NYAP2: variants seen among roughly 807,000 people sequenced by gnomAD.
NYAP2 encodes neuronal tyrosine-phosphorylated phosphoinositide-3-kinase adaptor 2.
Under a neutral mutation model 50.4 loss-of-function variants are expected in NYAP2, and 23 were observed. That is an observed-to-expected ratio of 0.46 (90% confidence interval 0.33 to 0.65). NYAP2 has a LOEUF of 0.65. Ranked by LOEUF, NYAP2 falls within the 30% of genes least tolerant of loss-of-function variation. The pLI is 0.02. For missense variants in NYAP2, 885 were observed against 861.0 expected, an observed-to-expected ratio of 1.03 and a Z score of -0.35; for synonymous variants, 394 against 365.2, an observed-to-expected ratio of 1.08 and a Z score of -0.90.
At chr2:225,535,385 T>C (rs761351055) in intron 4 of NYAP2, among the ~76,000 whole-genome samples, 2 of 152,188 alleles carry the variant, frequency 1.3e-5, no homozygotes, top group Non-Finnish European at 2.9e-5. Flanking sequence ...AGTTAGGAGA[T>C]GTGGGATGAC....
chr2:225,417,975 AG>A (rs769411811), intron 3 of NYAP2, among the ~76,000 whole-genome samples: 6 of 151,952 alleles, frequency 3.9e-5, no homozygotes, highest in Non-Finnish European at 8.8e-5. Context: ...AAGTAAATAT[AG>A]AGTAAGTGCA....
At chr2:225,673,411 G>A in the NYAP2 span, among the ~76,000 whole-genome samples, 3 of 151,992 alleles carry the variant, frequency 2.0e-5, no homozygotes, top group Non-Finnish European at 4.4e-5. Flanking sequence ...TTGGAAAAAC[G>A]GTGACAACAG....
the NYAP2 span, among the ~76,000 whole-genome samples, chr2:225,695,024 A>T: frequency 6.6e-6 from 1 of 151,762 alleles, no homozygotes; most frequent in Admixed American, 6.6e-5. Flanking sequence ...TTAATGCAAA[A>T]TAAAAATCTA....
intron 3 of NYAP2, among the ~76,000 whole-genome samples, chr2:225,413,954 G>A (rs1410726125): frequency 6.6e-6 from 1 of 152,140 alleles, no homozygotes; most frequent in Non-Finnish European, 1.5e-5. Flanking sequence ...GACTGCCAAG[G>A]ATTGCTTAAA....
intron 4 of NYAP2, among the ~76,000 whole-genome samples, chr2:225,574,856 G>T (rs2106224324): frequency 6.6e-6 from 1 of 152,274 alleles, no homozygotes. Flanking sequence ...CCCTTCATTT[G>T]ATTTTTACAA....
At chr2:225,531,968 T>C (rs1390989993) in intron 4 of NYAP2, among the ~76,000 whole-genome samples, 10 of 152,256 alleles carry the variant, frequency 6.6e-5, no homozygotes, top group Non-Finnish European at 5.9e-5. Context: ...TATCTTTTAC[T>C]TTATCCAAAT....
the NYAP2 span, among the ~76,000 whole-genome samples, chr2:225,677,892 C>T: frequency 6.6e-6 from 1 of 152,026 alleles, no homozygotes; most frequent in Non-Finnish European, 1.5e-5. Flanking sequence ...CATTGTGTCT[C>T]TGCCAGATTT....
chr2:225,543,444 T>G (rs1283357437), intron 4 of NYAP2, among the ~76,000 whole-genome samples: 1 of 152,004 alleles, frequency 6.6e-6, no homozygotes, highest in Non-Finnish European at 1.5e-5. Flanking sequence ...AAAGTATTGG[T>G]ATGTTCTTTC....
At chr2:225,469,340 T>C (rs751921408) in intron 3 of NYAP2, among the ~76,000 whole-genome samples, 21 of 152,152 alleles carry the variant, frequency 1.4e-4, no homozygotes, top group Non-Finnish European at 2.6e-4. Flanking sequence ...TTTAGAATGA[T>C]GATCATTAAA....
At chr2:225,485,524 T>G (rs1690275001) in intron 3 of NYAP2, among the ~76,000 whole-genome samples, 1 of 152,158 alleles carries the variant, frequency 6.6e-6, no homozygotes, top group African/African-American at 2.4e-5. Context: ...GTACTCCCTT[T>G]AGACTCTGGC....
At chr2:225,424,775 T>C (rs1347065794) in intron 3 of NYAP2, among the ~76,000 whole-genome samples, 1 of 152,164 alleles carries the variant, frequency 6.6e-6, no homozygotes, top group Admixed American at 6.5e-5. Flanking sequence ...AAATTCAATA[T>C]AAACTAAAGT....
At chr2:225,491,623 A>AT (rs1690408994) in intron 3 of NYAP2, among the ~76,000 whole-genome samples, 1 of 152,280 alleles carries the variant, frequency 6.6e-6, no homozygotes, top group East Asian at 1.9e-4. Context: ...TCCAATACGT[A>AT]TGTTGCAAAA....
chr2:225,689,267 T>A, the NYAP2 span, among the ~76,000 whole-genome samples: 30 of 152,318 alleles, frequency 2.0e-4, no homozygotes, highest in African/African-American at 7.2e-4. Flanking sequence ...GCAATAGATG[T>A]TAATTTGAAA....
chr2:225,452,327 A>C (rs1224861585), intron 3 of NYAP2, among the ~76,000 whole-genome samples: 2 of 152,230 alleles, frequency 1.3e-5, no homozygotes, highest in Non-Finnish European at 2.9e-5. Flanking sequence ...TGCACTCTTA[A>C]GAGTGCTCAA....
chr2:225,550,226 G>A (rs557551575), intron 4 of NYAP2, among the ~76,000 whole-genome samples: 34 of 152,190 alleles, frequency 2.2e-4, no homozygotes, highest in Non-Finnish European at 4.1e-4. Flanking sequence ...TATACACATG[G>A]ATGGTCCCCT....
chr2:225,673,829 A>C, the NYAP2 span, among the ~76,000 whole-genome samples: 1 of 151,968 alleles, frequency 6.6e-6, no homozygotes, highest in Non-Finnish European at 1.5e-5. Context: ...CCTCCTATCC[A>C]CTCTTCCCTG....
At chr2:225,652,569 G>T (rs1366009078) in exon 7 of NYAP2, 2 of 152,148 alleles carry the variant, frequency 1.3e-5, no homozygotes, top group African/African-American at 4.8e-5. Context: ...AATTTGTGAG[G>T]CTTAATTGTC....
intron 4 of NYAP2, among the ~76,000 whole-genome samples, chr2:225,573,502 A>G (rs1163800681): frequency 2.6e-5 from 4 of 152,066 alleles, no homozygotes; most frequent in Non-Finnish European, 5.9e-5. Flanking sequence ...CACCTGCCTC[A>G]GTCCCCCAAA....
At chr2:225,503,337 A>G (rs959854921) in intron 3 of NYAP2, among the ~76,000 whole-genome samples, 6 of 152,226 alleles carry the variant, frequency 3.9e-5, no homozygotes, top group Non-Finnish European at 8.8e-5. Flanking sequence ...CCCTCTCTTT[A>G]GGCCATGACA....
Sources: allele counts gnomAD v4.1 joint callset (sites outside exome capture counted in the v4.1 genomes callset), GRCh38; gene constraint gnomAD v4.1.1; transcripts MANE v1.5; gene names NCBI Gene and HGNC (gene_info 2026-07-23, HGNC 2026-07-21).